Variants in SFT2D2 observed in about 807,000 individuals in gnomAD.
The protein encoded by SFT2D2 is vesicle transport protein SFT2B.
Under a neutral mutation model 27.4 loss-of-function variants are expected in SFT2D2, and 21 were observed. The observed-to-expected ratio is 0.77, with a 90% confidence interval of 0.54 to 1.10. The LOEUF (loss-of-function observed/expected upper bound fraction) is 1.10, where lower values mean the gene tolerates loss of function less well. Among genes scored for constraint, SFT2D2 ranks in the 50% least tolerant of loss-of-function variants. The pLI, the probability that SFT2D2 is intolerant of heterozygous loss-of-function variation, is 0.00. For missense variants in SFT2D2, 187 were observed against 194.2 expected, an observed-to-expected ratio of 0.96 and a Z score of 0.22; for synonymous variants, 72 against 71.7, an observed-to-expected ratio of 1.00 and a Z score of -0.02.
chr1:168,246,306 T>C lies in SFT2D2; in HGVS notation c.*3766T>C. 1 of 424,908 alleles carries C rather than the reference T, an allele frequency of 2.4e-6. No homozygotes were observed. The allele number at this position is 424,908 out of a possible 1,614,324, so 26.3% of individuals were successfully genotyped here. The stretch of plus-strand genomic sequence containing the variant: ...TTGATTGTCAGCTTTGTTGTGAACA[T>C]CATCCAGTTGCTGTTGAAGCAACAT... On this transcript the variant is annotated 3_prime_UTR_variant, in exon 8 of 8. Transcript: ENST00000271375.
In SFT2D2 at chr1:168,249,099, G is replaced by A. The variant is rs1238467462; in HGVS notation, c.*6559G>A. ...CTCCTTCAGTCCTGCTCTAATCTTAGTTATTTCTTGTCTTCTGCTAGCTTT... is the reference window on the plus strand; with the variant it reads ...CTCCTTCAGTCCTGCTCTAATCTTAATTATTTCTTGTCTTCTGCTAGCTTT... On this transcript the variant is annotated 3_prime_UTR_variant, in exon 8 of 8. Coordinates refer to ENST00000271375, the MANE Select transcript of SFT2D2 (RefSeq NM_199344.3). The A allele has an allele frequency of 6.6e-6, 1 of 151,678 alleles. No individual in the cohort carries two copies. Among genetic ancestry groups the A allele is most frequent in the African/African-American group, 2.4e-5 (1 of 41,274 alleles). 9.4% of individuals were successfully genotyped at this position (151,678 alleles called of 1,614,324 possible). A position where few individuals can be genotyped will look rare whatever the true frequency, so the allele number is the denominator to read the frequency against.
At chr1:168,240,504 T>A (rs1383312831) in intron 7 of SFT2D2, among the ~76,000 whole-genome samples, 2 of 152,176 alleles carry the variant, frequency 1.3e-5, no homozygotes, top group African/African-American at 4.8e-5. Flanking sequence ...GAGTTCATCA[T>A]TACTGAGGAT....
At chr1:168,226,715 CAG>C (rs1187797030) in intron 1 of SFT2D2, among the ~76,000 whole-genome samples, 1 of 152,220 alleles carries the variant, frequency 6.6e-6, no homozygotes, top group Non-Finnish European at 1.5e-5. Context: ...CCCATGAGGA[CAG>C]GGACCACATC....
chr1:168,246,945 A>T lies in SFT2D2; in HGVS notation c.*4405A>T, dbSNP rs368384665. On this transcript the variant is annotated 3_prime_UTR_variant, in exon 8 of 8. Coordinates refer to ENST00000271375, the MANE Select transcript of SFT2D2 (RefSeq NM_199344.3). ...TTTTATTGTGTGTATTTCCAGCCTG[A>T]GCCTGGCAATTTCATCTTGCATCAA... is the stretch of plus-strand genomic sequence containing the variant. 3.7e-5 allele frequency: 24 copies of T among 640,532 alleles called. No homozygotes were observed. The East Asian group carries it at 9.4e-4, about 25-fold the overall frequency. 39.7% of individuals were successfully genotyped at this position (640,532 alleles called of 1,614,324 possible).
chr1:168,226,242 G>C, intron 1 of SFT2D2, 100 bp downstream of exon 1: 1 of 1,081,392 alleles, frequency 9.2e-7, no homozygotes, highest in Non-Finnish European at 1.3e-6. Flanking sequence ...GGAGTTTCTG[G>C]ACGGTAGCTC....
At chr1:168,236,877 G>A in intron 6 of SFT2D2, 107 bp downstream of exon 6, 1 of 1,265,236 alleles carries the variant, frequency 7.9e-7, no homozygotes, top group Non-Finnish European at 1.1e-6. Context: ...AAACACAGAA[G>A]CTGTTTAATT....
chr1:168,242,245 G>A (rs1009294960), intron 7 of SFT2D2, among the ~76,000 whole-genome samples: 1 of 152,144 alleles, frequency 6.6e-6, no homozygotes, highest in African/African-American at 2.4e-5. Flanking sequence ...GATTATGATG[G>A]CTAATCCCAT....
At position 168,235,291 on chromosome 1, in the gene SFT2D2, T is replaced by A. The variant is rs994797780; in HGVS notation, c.318+109T>A. The stretch of plus-strand genomic sequence containing the variant: ...ACCTCTTCTCTTTTTCCGTTCAGCT[T>A]GACTTATTACCCTATTCCTATAACC... On this transcript the variant is annotated intron_variant, in intron 4 of 7. Transcript: ENST00000271375. The A allele has an allele frequency of 1.1e-5, 12 of 1,061,110 alleles. No individual in the cohort carries two copies. In the African/African-American group the frequency reaches 1.7e-4, roughly 15 times the overall value. 65.7% of individuals were successfully genotyped at this position (1,061,110 alleles called of 1,614,324 possible).
At chr1:168,240,174 C>CAA (rs71299093) in intron 7 of SFT2D2, among the ~76,000 whole-genome samples, 40 of 103,172 alleles carry the variant, frequency 3.9e-4, no homozygotes, top group South Asian at 9.5e-4. Context: ...GACTCTGTCT[C>CAA]AAAAAAAAAA....
At chr1:168,240,830 T>G (rs1647627233) in intron 7 of SFT2D2, among the ~76,000 whole-genome samples, 1 of 152,040 alleles carries the variant, frequency 6.6e-6, no homozygotes, top group Non-Finnish European at 1.5e-5. Flanking sequence ...TAGAATCGCT[T>G]GAACCTGGGA....
At chr1:168,234,488 T>G (rs533151244) in intron 3 of SFT2D2, among the ~76,000 whole-genome samples, 12 of 152,042 alleles carry the variant, frequency 7.9e-5, no homozygotes, top group Admixed American at 5.9e-4. Flanking sequence ...GGTAGCTGTG[T>G]GATTTTCTCG....
In SFT2D2 at chr1:168,245,563, G is replaced by C. The variant is rs1647784651; in HGVS notation, c.*3023G>C. On this transcript the variant is annotated 3_prime_UTR_variant, in exon 8 of 8. Transcript: ENST00000271375. ...GCAGTCCCCATCCAAAGCCAAGCAG[G>C]CTTTTTTTTTTTTTTTTTTGTAGAA... 1.0e-5 allele frequency: 1 copy of C among 97,356 alleles called. No individual in the cohort carries two copies. Among genetic ancestry groups the C allele is most frequent in the African/African-American group, 3.7e-5 (1 of 27,046 alleles). The allele number at this position is 97,356 out of a possible 1,614,324, so 6.0% of individuals were successfully genotyped here.
At position 168,242,509 on chromosome 1, in the gene SFT2D2, T is replaced by C; in HGVS notation, c.452T>C (p.Val151Ala). Residue 151 changes from valine (V) to alanine (A), a missense_variant, in exon 8 of 8, where the codon GTG becomes GCG. Transcript: ENST00000271375. ...LSFIPFARDAVKKCFAVCLA is the reference protein window; with the variant it reads ...LSFIPFARDAAKKCFAVCLA ...TGTCTTTTCTTTCCTAGGGATGCTG[T>C]GAAGAAGTGTTTTGCCGTGTGTCTT... 3 of 1,614,216 alleles carry C rather than the reference T, an allele frequency of 1.9e-6. No homozygotes were observed. The highest frequency in any genetic ancestry group is 2.5e-6 in the Non-Finnish European group (3 of 1,180,032).
chr1:168,247,423 T>G lies in SFT2D2; in HGVS notation c.*4883T>G, dbSNP rs932016600. ...CACTTATGAGTGAGAACATGTGGTG[T>G]TTGGTTTTCTGTTCTTGTGTTAGTT... On this transcript the variant is annotated 3_prime_UTR_variant, in exon 8 of 8. Transcript: ENST00000271375. 6.2e-6 allele frequency: 1 copy of G among 161,778 alleles called. No individual in the cohort carries two copies. Among genetic ancestry groups the G allele is most frequent in the African/African-American group, 2.4e-5 (1 of 41,372 alleles). The allele number at this position is 161,778 out of a possible 1,614,324, so 10.0% of individuals were successfully genotyped here. A position where few individuals can be genotyped will look rare whatever the true frequency, so the allele number is the denominator to read the frequency against.
chr1:168,237,593 T>A lies in SFT2D2; in HGVS notation c.413+823T>A, dbSNP rs532193193. ...GTGACTCACCTATTTTTGAAAAAAA[T>A]GTTTGCTACAGTGTAAAGAAAGGAG... On this transcript the variant is annotated intron_variant, in intron 6 of 7. Transcript: ENST00000271375. 2.3e-4 allele frequency among the ~76,000 whole-genome samples: 35 copies of A among 152,298 alleles called. No individual in the cohort carries two copies. The East Asian group carries it at 6.0e-3, about 26-fold the overall frequency.
rs1157018495 is a variant in SFT2D2, at chr1:168,251,539, T to C, written c.*8999T>C. 6.6e-6 allele frequency: 1 copy of C among 152,162 alleles called. No homozygotes were observed. Among genetic ancestry groups the C allele is most frequent in the Non-Finnish European group, 1.5e-5 (1 of 68,032 alleles). The allele number at this position is 152,162 out of a possible 1,614,324, so 9.4% of individuals were successfully genotyped here. On this transcript the variant is annotated 3_prime_UTR_variant, in exon 8 of 8. Coordinates refer to ENST00000271375, the MANE Select transcript of SFT2D2 (RefSeq NM_199344.3). ...ATGGGACTGTCTACGCCAGGCTTTA[T>C]TTTCTCTTTGCTCAGATAACTTCTG... is the stretch of plus-strand genomic sequence containing the variant.
intron 3 of SFT2D2, among the ~76,000 whole-genome samples, chr1:168,233,185 G>T (rs1647376205): frequency 6.6e-6 from 1 of 152,126 alleles, no homozygotes; most frequent in Non-Finnish European, 1.5e-5. Flanking sequence ...AAATGCCGTT[G>T]TGCCCTTGTT....
rs1166893258 is a variant in SFT2D2 at position 168,247,992 on chromosome 1, A to G, written c.*5452A>G. The G allele has an allele frequency of 2.0e-5, 3 of 151,924 alleles. No individual in the cohort carries two copies. Among genetic ancestry groups the G allele is most frequent in the African/African-American group, 4.8e-5 (2 of 41,406 alleles). 9.4% of individuals were successfully genotyped at this position (151,924 alleles called of 1,614,324 possible). On this transcript the variant is annotated 3_prime_UTR_variant, in exon 8 of 8. Transcript: ENST00000271375. ...AAATATCTTCTTTTGAGAAGTGTCT[A>G]TCCTTCGCCCACTTTTCGATGGGGT... is the stretch of plus-strand genomic sequence containing the variant.
At chr1:168,228,513 T>TA (rs1344215778) in intron 1 of SFT2D2, among the ~76,000 whole-genome samples, 9 of 152,246 alleles carry the variant, frequency 5.9e-5, no homozygotes, top group Non-Finnish European at 1.0e-4. Context: ...TTGTGATTGA[T>TA]ACCTCATCTT....
Sources: allele counts gnomAD v4.1 joint callset (sites outside exome capture counted in the v4.1 genomes callset), GRCh38; gene constraint gnomAD v4.1.1; transcripts MANE v1.5; gene names NCBI Gene and HGNC (gene_info 2026-07-23, HGNC 2026-07-21).